MACROD2: variants seen among roughly 807,000 people sequenced by gnomAD.
MACROD2 encodes the protein ADP-ribose glycohydrolase MACROD2.
In MACROD2, 36 loss-of-function variants were observed where a neutral mutation model predicts 70.4. That is an observed-to-expected ratio of 0.51 (90% CI 0.39 to 0.68). The LOEUF is 0.68. Ranked by LOEUF, MACROD2 falls within the 30% of genes least tolerant of loss-of-function variation. The pLI is 0.00. For synonymous variants in MACROD2, 172 were observed against 178.8 expected, an observed-to-expected ratio of 0.96 and a Z score of 0.30; for missense variants, 496 against 538.4, an observed-to-expected ratio of 0.92 and a Z score of 0.78.
intron 10 of MACROD2, among the ~76,000 whole-genome samples, chr20:15,892,596 C>A (rs1021099968): frequency 6.6e-6 from 1 of 152,150 alleles, no homozygotes; most frequent in South Asian, 2.1e-4. Context: ...AGATTGAAAT[C>A]GAACACTCTT....
At chr20:15,882,736 T>C (rs947365778) in intron 9 of MACROD2, among the ~76,000 whole-genome samples, 3 of 152,124 alleles carry the variant, frequency 2.0e-5, no homozygotes, top group Admixed American at 1.3e-4. Context: ...GTCCAGACTC[T>C]GGACAGACTC....
chr20:14,680,081 G>A (rs1368488371), intron 4 of MACROD2, among the ~76,000 whole-genome samples: 1 of 152,114 alleles, frequency 6.6e-6, no homozygotes, highest in African/African-American at 2.4e-5. Context: ...GAAATAGAAA[G>A]CAATAGTTAT....
intron 12 of MACROD2, among the ~76,000 whole-genome samples, chr20:15,960,604 G>T (rs1335305959): frequency 6.6e-6 from 1 of 152,052 alleles, no homozygotes; most frequent in East Asian, 1.9e-4. Context: ...AGCCCCTAGG[G>T]GATATTAATG....
At chr20:15,824,703 T>C (rs1054155165) in intron 8 of MACROD2, among the ~76,000 whole-genome samples, 1 of 152,112 alleles carries the variant, frequency 6.6e-6, no homozygotes, top group Non-Finnish European at 1.5e-5. Flanking sequence ...AGCCGATGAG[T>C]ATTTCAGCTC....
chr20:15,217,885 T>G (rs1440624127), intron 5 of MACROD2, among the ~76,000 whole-genome samples: 2 of 152,192 alleles, frequency 1.3e-5, no homozygotes, highest in Non-Finnish European at 2.9e-5. Context: ...GCTTTTACAT[T>G]AATGGTTTCT....
At chr20:16,037,978 G>A (rs2067257162) in intron 15 of MACROD2, among the ~76,000 whole-genome samples, 1 of 151,654 alleles carries the variant, frequency 6.6e-6, no homozygotes, top group African/African-American at 2.4e-5. Flanking sequence ...GCATAGGTCT[G>A]TGGACACCAA....
intron 3 of MACROD2, among the ~76,000 whole-genome samples, chr20:14,385,052 A>G (rs2083456276): frequency 6.6e-6 from 1 of 152,172 alleles, no homozygotes; most frequent in Non-Finnish European, 1.5e-5. Context: ...ACTCATACTG[A>G]AGGATTTATA....
intron 17 of MACROD2, 100 bp from the exon 18 acceptor site, chr20:16,049,730 G>T (rs2067432554): frequency 5.8e-6 from 7 of 1,210,270 alleles, no homozygotes; most frequent in Non-Finnish European, 8.4e-6. Flanking sequence ...TATGTGAGGG[G>T]TGAGAGACAT....
chr20:14,418,615 C>G (rs1415662266), intron 3 of MACROD2, among the ~76,000 whole-genome samples: 2 of 152,186 alleles, frequency 1.3e-5, no homozygotes, highest in Non-Finnish European at 2.9e-5. Flanking sequence ...AACAGTTCCA[C>G]AAATAGCCAA....
intron 5 of MACROD2, among the ~76,000 whole-genome samples, chr20:15,181,943 T>G (rs374657199): frequency 6.6e-6 from 1 of 152,060 alleles, no homozygotes; most frequent in East Asian, 1.9e-4. Flanking sequence ...AAAGAAAGTT[T>G]CCTTTTGTTG....
intron 12 of MACROD2, among the ~76,000 whole-genome samples, chr20:15,945,208 C>T (rs1286923435): frequency 1.3e-5 from 2 of 152,136 alleles, no homozygotes; most frequent in Non-Finnish European, 2.9e-5. Flanking sequence ...GTAGGAGGCT[C>T]AATTTTTTTA....
At position 14,181,244 on chromosome 20, in the gene MACROD2, T is replaced by A. The variant is rs539383911; in HGVS notation, c.271+95516T>A. Among the ~76,000 whole-genome samples the A allele has an allele frequency of 3.3e-5, 5 of 151,936 alleles. No individual in the cohort carries two copies. In the East Asian group the frequency reaches 9.7e-4, roughly 29 times the overall value. On this transcript the variant is annotated intron_variant, in intron 3 of 17. Transcript: ENST00000684519. ...CCACCACACCTGGCTAATTTTTTAT[T>A]TTTTGTTGAAATGGGATCTCATTAT...
At chr20:14,979,678 A>C (rs537650796) in intron 5 of MACROD2, among the ~76,000 whole-genome samples, 42 of 152,354 alleles carry the variant, frequency 2.8e-4, no homozygotes, top group Non-Finnish European at 5.7e-4. Context: ...CCAAATGCCA[A>C]TCTGCGAGGT....
chr20:14,613,818 A>G (rs764078700), intron 4 of MACROD2, among the ~76,000 whole-genome samples: 4 of 152,150 alleles, frequency 2.6e-5, no homozygotes, highest in Non-Finnish European at 5.9e-5. Context: ...ACTTACAGCC[A>G]TAAGTTGCAA....
At chr20:14,128,677 G>A (rs949078657) in intron 3 of MACROD2, among the ~76,000 whole-genome samples, 2 of 152,200 alleles carry the variant, frequency 1.3e-5, no homozygotes, top group Non-Finnish European at 2.9e-5. Flanking sequence ...ATCAATGCTT[G>A]GCTTAAAGTG....
chr20:15,422,195 G>A (rs1006231327), intron 6 of MACROD2, among the ~76,000 whole-genome samples: 1 of 152,162 alleles, frequency 6.6e-6, no homozygotes, highest in African/African-American at 2.4e-5. Context: ...GGTGATTACA[G>A]GGTTGAGTTG....
intron 3 of MACROD2, among the ~76,000 whole-genome samples, chr20:14,297,542 A>C (rs1043256051): frequency 2.0e-5 from 3 of 152,000 alleles, no homozygotes; most frequent in African/African-American, 7.3e-5. Context: ...CATTCCCTTA[A>C]GCTGAAGCCT....
intron 3 of MACROD2, among the ~76,000 whole-genome samples, chr20:14,165,899 C>A (rs2055261596): frequency 6.6e-6 from 1 of 152,182 alleles, no homozygotes; most frequent in Non-Finnish European, 1.5e-5. Flanking sequence ...CTCACTAGGG[C>A]ATTAGGCTCT....
chr20:14,381,703 C>T (rs912429304), intron 3 of MACROD2, among the ~76,000 whole-genome samples: 1 of 152,148 alleles, frequency 6.6e-6, no homozygotes, highest in Non-Finnish European at 1.5e-5. Context: ...GTGCTTATCC[C>T]TTCATCTAAG....
Sources: allele counts gnomAD v4.1 joint callset (sites outside exome capture counted in the v4.1 genomes callset), GRCh38; gene constraint gnomAD v4.1.1; transcripts MANE v1.5; gene names NCBI Gene and HGNC (gene_info 2026-07-23, HGNC 2026-07-21).